Variants in CCDC13 observed in about 807,000 individuals in gnomAD.
The protein encoded by CCDC13 is coiled-coil domain containing 13.
Under a neutral mutation model 87.3 loss-of-function variants are expected in CCDC13, and 70 were observed. The ratio of observed to expected loss-of-function variants is 0.80; its 90% CI spans 0.66 to 0.98. The LOEUF (loss-of-function observed/expected upper bound fraction) is 0.98, where lower values mean the gene tolerates loss of function less well. Ranked by LOEUF, CCDC13 falls within the 50% of genes least tolerant of loss-of-function variation. CCDC13 has a pLI of 0.00. For missense variants in CCDC13, 842 were observed against 892.0 expected (o/e 0.94, Z 0.71); for synonymous variants, 317 against 360.3 (o/e 0.88, Z 1.36).
intron 3 of CCDC13, 55 bp downstream of exon 3, chr3:42,757,011 T>C (rs1699718521): frequency 2.6e-6 from 4 of 1,555,890 alleles, no homozygotes; most frequent in Non-Finnish European, 3.5e-6. Flanking sequence ...CTGTCTGCCC[T>C]ATCTGAAGTC....
At chr3:42,704,868 G>A (rs1179649381), downstream of CCDC13, 4 of 152,240 alleles carry the variant, frequency 2.6e-5, no homozygotes, top group African/African-American at 4.8e-5. Context: ...GGTGGGGAGT[G>A]GGGACAATTC....
intron 13 of CCDC13, among the ~76,000 whole-genome samples, chr3:42,721,576 G>T (rs1698560750): frequency 6.6e-6 from 1 of 152,190 alleles, no homozygotes. Context: ...ATTGAGTAAA[G>T]CATACTCCTG....
chr3:42,734,072 G>A (rs1441966275), intron 10 of CCDC13, among the ~76,000 whole-genome samples: 1 of 152,136 alleles, frequency 6.6e-6, no homozygotes, highest in African/African-American at 2.4e-5. Context: ...AGGCAGCCTT[G>A]GGTGGAGGCT....
chr3:42,714,872 C>G (rs746917108), intron 13 of CCDC13, among the ~76,000 whole-genome samples: 1 of 152,220 alleles, frequency 6.6e-6, no homozygotes, highest in Non-Finnish European at 1.5e-5. Context: ...AACCTAAAGG[C>G]CCATCATCAG....
At chr3:42,771,735 A>C (rs540590421) in intron 1 of CCDC13, among the ~76,000 whole-genome samples, 1 of 152,048 alleles carries the variant, frequency 6.6e-6, no homozygotes, top group African/African-American at 2.4e-5. Context: ...AGCCTGGGTG[A>C]CAAAGTGAGA....
Position 42,748,899 on chromosome 3 carries a change from G to A in CCDC13, c.604-1526C>T, listed in dbSNP as rs942921388. On this transcript the variant is annotated intron_variant, in intron 5 of 15. Coordinates refer to ENST00000310232, the MANE Select transcript of CCDC13 (RefSeq NM_144719.4). ...GCCTCCCGAGTAGCTGGGATTACAG[G>A]TGCCCACCACCATGCCTGGCTAATT... is the stretch of plus-strand genomic sequence containing the variant. 1.1e-4 allele frequency among the ~76,000 whole-genome samples: 16 copies of A among 152,110 alleles called. No homozygotes were observed. In the East Asian group the frequency reaches 2.9e-3, roughly 28 times the overall value.
chr3:42,758,438 T>C (rs187767245), intron 1 of CCDC13, 87 bp from the exon 2 acceptor site: 2 of 1,280,298 alleles, frequency 1.6e-6, no homozygotes, highest in African/African-American at 1.5e-5. Context: ...GCCCCAGCCT[T>C]GGAGTTTACT....
At chr3:42,766,686 T>G (rs1018685919) in intron 1 of CCDC13, among the ~76,000 whole-genome samples, 1 of 151,352 alleles carries the variant, frequency 6.6e-6, no homozygotes, top group South Asian at 2.1e-4. Flanking sequence ...AATCCAATGA[T>G]GTATTTGAAA....
In CCDC13 at chr3:42,751,644, G is replaced by A. The variant is rs141353417; in HGVS notation, c.603+292C>T. ...CTTCCCTCTTGATCCTCAGGCTCTA[G>A]TGTTCCAGGGTTCTCAGGCTCCTCC... On this transcript the variant is annotated intron_variant, in intron 5 of 15. Transcript: ENST00000310232. 3.5e-3 allele frequency among the ~76,000 whole-genome samples: 531 copies of A among 152,376 alleles called. 6 individuals carry two copies. The highest frequency in any genetic ancestry group is 0.012 in the African/African-American group (507 of 41,596).
intron 5 of CCDC13, 69 bp from the exon 6 acceptor site, chr3:42,747,442 A>C: frequency 9.3e-7 from 1 of 1,078,560 alleles, no homozygotes; most frequent in Non-Finnish European, 1.4e-6. Context: ...CATAGCCCCC[A>C]TTTATCCAAG....
rs561164627 is a variant in CCDC13 at position 42,721,714 on chromosome 3, T to C, written c.1719-8398A>G. The stretch of plus-strand genomic sequence containing the variant: ...TAATTGCAATACAAATCTGTTTTCT[T>C]TTGCAACAGGACACAATTGGAGAAA... On this transcript the variant is annotated intron_variant, in intron 13 of 15. Transcript: ENST00000310232. Among the ~76,000 whole-genome samples the C allele has an allele frequency of 9.2e-5, 14 of 152,376 alleles. No individual in the cohort carries two copies. The South Asian group carries it at 2.1e-3, about 23-fold the overall frequency.
intron 9 of CCDC13, among the ~76,000 whole-genome samples, chr3:42,737,844 A>C (rs34482203): frequency 0.18 from 26,682 of 151,786 alleles, 2,424 homozygotes; most frequent in South Asian, 0.28. Context: ...CAAAAATTTT[A>C]TCCCATTCTT....
chr3:42,738,187 T>C (rs1699090628), intron 9 of CCDC13, among the ~76,000 whole-genome samples: 1 of 149,814 alleles, frequency 6.7e-6, no homozygotes, highest in Non-Finnish European at 1.5e-5. Context: ...CCATTTCTTG[T>C]TTTTGTCAGG....
At position 42,733,428 on chromosome 3, in the gene CCDC13, T is replaced by C. The variant is rs372642483; in HGVS notation, c.1511+42A>G. On this transcript the variant is annotated intron_variant, in intron 11 of 15. Coordinates refer to ENST00000310232, the MANE Select transcript of CCDC13 (RefSeq NM_144719.4). ...AGAAACAACCTTTCTTCCGAATAAT[T>C]AATGTTCACTTTCCAACCCCTCCCT... 5 of 1,611,066 alleles carry C rather than the reference T, an allele frequency of 3.1e-6. No individual in the cohort carries two copies. The African/African-American group carries it at 6.7e-5, about 22-fold the overall frequency.
At position 42,707,793 on chromosome 3, in the gene CCDC13, T is replaced by C. The variant is rs1698211389; in HGVS notation, c.*1187A>G. 6.6e-6 allele frequency among the ~76,000 whole-genome samples: 1 copy of C among 152,132 alleles called. No individual in the cohort carries two copies. The highest frequency in any genetic ancestry group is 1.9e-4 in the East Asian group (1 of 5,184). ...ACAGTTGCATGCTCCTGAATTGAGG[T>C]ATGTGTGTGCATCTGCATCTTTGTG... On this transcript the variant is annotated 3_prime_UTR_variant, in exon 16 of 16. Transcript: ENST00000310232.
Position 42,758,174 on chromosome 3 carries a change from T to C in CCDC13, c.172A>G (p.Ser58Gly), listed in dbSNP as rs1337497109. 1 of 1,614,166 alleles carries C rather than the reference T, an allele frequency of 6.2e-7. No individual in the cohort carries two copies. The highest frequency in any genetic ancestry group is 2.2e-5 in the East Asian group (1 of 44,886). The change falls in exon 2 of 16, where the codon AGC (serine) becomes GGC (glycine). Residue 58 changes from serine to glycine, a missense_variant. Coordinates refer to ENST00000310232, the MANE Select transcript of CCDC13 (RefSeq NM_144719.4). ...TTTGGCTCCCCTGCGTGGAGAAGGC[T>C]GAGGCCATCTGAAACCTCCAAGGGC... ...EEPLEVSDGL[S>G]LLHAGEPNSK...
Position 42,739,802 on chromosome 3 carries a change from G to C in CCDC13, c.996C>G (p.Ala332=). The C allele has an allele frequency of 1.9e-6, 3 of 1,613,698 alleles. No individual in the cohort carries two copies. Among genetic ancestry groups the C allele is most frequent in the Non-Finnish European group, 2.5e-6 (3 of 1,179,716 alleles). The part of the protein sequence containing the change: ...REKQEGLEKL[A]SERDVLQREL... ...CTCTCTGGAGGACATCCCGTTCACT[G>C]GCAAGTTTCTGTAATTAGAAAGTGA... is the stretch of plus-strand genomic sequence containing the variant. Residue 332 remains alanine (A), a synonymous_variant, in exon 9 of 16, where the codon GCC becomes GCG. Coordinates refer to ENST00000310232, the MANE Select transcript of CCDC13 (RefSeq NM_144719.4).
intron 1 of CCDC13, among the ~76,000 whole-genome samples, chr3:42,767,675 C>T (rs1575340112): frequency 6.6e-6 from 1 of 152,236 alleles, no homozygotes; most frequent in East Asian, 1.9e-4. Flanking sequence ...ACTACCTGAC[C>T]TTAAGACTTA....
intron 13 of CCDC13, among the ~76,000 whole-genome samples, chr3:42,720,018 A>T (rs966954421): frequency 6.6e-6 from 1 of 152,230 alleles, no homozygotes; most frequent in African/African-American, 2.4e-5. Context: ...TTTAGTCTAA[A>T]TTATGCAGGT....
Sources: allele counts gnomAD v4.1 joint callset (sites outside exome capture counted in the v4.1 genomes callset), GRCh38; gene constraint gnomAD v4.1.1; transcripts MANE v1.5; gene names NCBI Gene and HGNC (gene_info 2026-07-23, HGNC 2026-07-21).